BRF1: variants seen among roughly 807,000 people sequenced by gnomAD.
BRF1 encodes the protein transcription factor IIIB 90 kDa subunit.
Under a neutral mutation model 81.7 loss-of-function variants are expected in BRF1, and 59 were observed. The observed-to-expected ratio is 0.72, with a 90% CI of 0.59 to 0.90. The LOEUF is 0.90. BRF1 is among the 40% of genes least tolerant of loss of function. The pLI is 0.00. For missense variants in BRF1, 1,050 were observed against 936.3 expected, an observed-to-expected ratio of 1.12 and a Z score of -1.58; for synonymous variants, 491 against 395.6, an observed-to-expected ratio of 1.24 and a Z score of -2.86.
intron 1 of BRF1, among the ~76,000 whole-genome samples, chr14:105,299,473 G>A (rs1045353063): frequency 1.3e-5 from 2 of 152,090 alleles, no homozygotes; most frequent in South Asian, 2.1e-4. Context: ...TACTCAGGAG[G>A]TTGAGGCAGG....
intron 3 of BRF1, 85 bp downstream of exon 3, chr14:105,272,636 T>G (rs929158787): frequency 2.7e-6 from 4 of 1,463,018 alleles, no homozygotes; most frequent in Non-Finnish European, 3.7e-6. Context: ...ACCAAGTTAC[T>G]GCAACTACCA....
At position 105,217,718 on chromosome 14, in the gene BRF1, T is replaced by A. The variant is rs765229827; in HGVS notation, c.1598A>T (p.Lys533Met). The stretch of plus-strand genomic sequence containing the variant: ...GCTATAATTGATCTTGCTGGAGATC[T>A]TCTTCTGCTCCAGCATCTTCTCGAT... ...EAIEKMLEQK[K>M]ISSKINYSVL... Residue 533 changes from lysine to methionine, a missense_variant, in exon 15 of 18, where the codon AAG (lysine) becomes ATG (methionine). By Grantham distance (95) the Lys-to-Met change is moderately conservative. Transcript: ENST00000547530. 20 of 1,613,254 alleles carry A rather than the reference T, an allele frequency of 1.2e-5. No individual in the cohort carries two copies. Among genetic ancestry groups the A allele is most frequent in the East Asian group, 2.2e-5 (1 of 44,900 alleles).
chr14:105,265,018 G>C (rs1428691431), intron 3 of BRF1, among the ~76,000 whole-genome samples: 3 of 150,054 alleles, frequency 2.0e-5, no homozygotes, highest in African/African-American at 7.3e-5. Context: ...GTAGACAAAA[G>C]ACATCAAGTC....
chr14:105,286,081 T>A (rs1346191596), intron 2 of BRF1, among the ~76,000 whole-genome samples: 1 of 152,170 alleles, frequency 6.6e-6, no homozygotes, highest in East Asian at 1.9e-4. Context: ...ATCCACTGGG[T>A]TCTCCCCAAA....
intron 15 of BRF1, among the ~76,000 whole-genome samples, chr14:105,215,781 CACACACACAT>C (rs1891094301): frequency 6.8e-6 from 1 of 146,312 alleles, no homozygotes; most frequent in Admixed American, 6.8e-5. Flanking sequence ...ACACACTGCA[CACACACACAT>C]GCACACACAC....
intron 5 of BRF1, chr14:105,250,773 C>A: frequency 8.1e-7 from 1 of 1,242,194 alleles, no homozygotes; most frequent in East Asian, 2.5e-5. Context: ...AACTTTGTCT[C>A]TCTTTGACAT....
intron 2 of BRF1, among the ~76,000 whole-genome samples, chr14:105,277,661 C>T (rs2056902406): frequency 6.6e-6 from 1 of 152,262 alleles, no homozygotes; most frequent in South Asian, 2.1e-4. Context: ...CACATTCCTG[C>T]TGTTTTGCCT....
chr14:105,273,189 G>A (rs190277133), intron 2 of BRF1, among the ~76,000 whole-genome samples: 22 of 152,288 alleles, frequency 1.4e-4, no homozygotes, highest in Admixed American at 9.8e-4. Context: ...GAGGTGCGGC[G>A]TGTCTGGCAA....
chr14:105,212,815 G>C (rs1890343441), intron 15 of BRF1: 1 of 152,440 alleles, frequency 6.6e-6, no homozygotes, highest in African/African-American at 2.4e-5. Context: ...CTTCCCTCCA[G>C]GGCACAGCTG....
At chr14:105,265,053 T>TA in intron 3 of BRF1, among the ~76,000 whole-genome samples, 1 of 140,598 alleles carries the variant, frequency 7.1e-6, no homozygotes, top group Non-Finnish European at 1.6e-5. Flanking sequence ...TCCTTTTTTT[T>TA]GTTTTTTTTT....
intron 6 of BRF1, among the ~76,000 whole-genome samples, chr14:105,229,725 C>G (rs587737104): frequency 9.3e-5 from 6 of 64,526 alleles, no homozygotes; most frequent in African/African-American, 3.8e-4. Flanking sequence ...CCACTGTCCG[C>G]GTAGTCGCCC....
intron 2 of BRF1, 124 bp downstream of exon 2, chr14:105,286,172 G>A (rs2057307200): frequency 1.8e-6 from 2 of 1,096,656 alleles, no homozygotes; most frequent in Admixed American, 4.1e-5. Context: ...GGCTGGGCGT[G>A]CAGGGTGACG....
At position 105,309,861 on chromosome 14, in the gene BRF1, C is replaced by T. The variant is rs1022563798; in HGVS notation, c.-162+5461G>A. 6.9e-6 allele frequency among the ~76,000 whole-genome samples: 1 copy of T among 145,292 alleles called. No homozygotes were observed. Among genetic ancestry groups the T allele is most frequent in the African/African-American group, 2.6e-5 (1 of 39,078 alleles). ...AGTGCAGTGGCACAATCTCGGCTCA[C>T]TGCAAGCTCCGCCTCCTGGATTCAA... On this transcript the variant is annotated intron_variant, in intron 1 of 17. Coordinates refer to the BRF1 transcript ENST00000327359. The surrounding 1 kb of genome is among the most constrained non-coding windows in gnomAD (Gnocchi z 4.0).
chr14:105,241,423 G>T lies in BRF1; in HGVS notation c.545-9C>A. On this transcript the variant is annotated splice_polypyrimidine_tract_variant and intron_variant, in intron 5 of 17. Transcript: ENST00000547530. ...AATATACAGGCACGGGTCTGCGGCAGACACAGCACCTCAGTGCCCACCTCC... is the reference window on the plus strand; with the variant it reads ...AATATACAGGCACGGGTCTGCGGCATACACAGCACCTCAGTGCCCACCTCC... 2 of 1,610,408 alleles carry T rather than the reference G, an allele frequency of 1.2e-6. No individual in the cohort carries two copies. The highest frequency in any genetic ancestry group is 8.5e-7 in the Non-Finnish European group (1 of 1,179,856).
chr14:105,275,365 C>T (rs895243907), intron 2 of BRF1, among the ~76,000 whole-genome samples: 3 of 152,210 alleles, frequency 2.0e-5, no homozygotes, highest in Admixed American at 6.5e-5. Context: ...GCTGAGCTGA[C>T]GTGGAAGGCT....
chr14:105,241,791 G>C (rs1018398765), intron 5 of BRF1: 1 of 256,244 alleles, frequency 3.9e-6, no homozygotes. Context: ...GACAGGCGTG[G>C]GCTGGGTACA....
chr14:105,225,618 C>CA (rs1310879920), intron 10 of BRF1, among the ~76,000 whole-genome samples: 1 of 151,712 alleles, frequency 6.6e-6, no homozygotes, highest in Non-Finnish European at 1.5e-5. Flanking sequence ...AATGGCCCCG[C>CA]AAAGCTGTCT....
intron 1 of BRF1, among the ~76,000 whole-genome samples, chr14:105,312,655 C>T (rs919658703): frequency 6.6e-6 from 1 of 152,180 alleles, no homozygotes; most frequent in Non-Finnish European, 1.5e-5. Flanking sequence ...AAGAGAAGGA[C>T]CAGCACAGCA....
At chr14:105,286,763 G>A (rs1371041646) in intron 1 of BRF1, among the ~76,000 whole-genome samples, 4 of 152,178 alleles carry the variant, frequency 2.6e-5, no homozygotes, top group East Asian at 1.9e-4. Context: ...CCGCCACCAC[G>A]CCCGGCTGGG....
Sources: allele counts gnomAD v4.1 joint callset (sites outside exome capture counted in the v4.1 genomes callset), GRCh38; gene constraint gnomAD v4.1.1; non-coding constraint Gnocchi (gnomAD v3.1); transcripts MANE v1.5; gene names NCBI Gene and HGNC (gene_info 2026-07-23, HGNC 2026-07-21).